PCED1B: variants seen among roughly 807,000 people sequenced by gnomAD.
The protein encoded by PCED1B is PC-esterase domain-containing protein 1B.
For synonymous variants in PCED1B, 251 were observed against 246.1 expected (o/e 1.02, Z -0.19); for missense variants, 573 against 573.9 (o/e 1.00, Z 0.02).
At chr12:47,230,093 T>TG (rs1306540562) in intron 3 of PCED1B, among the ~76,000 whole-genome samples, 1 of 147,280 alleles carries the variant, frequency 6.8e-6, no homozygotes, top group Admixed American at 6.7e-5. Context: ...TTTCTTTTTT[T>TG]TTTTTTTTTT....
intron 2 of PCED1B, among the ~76,000 whole-genome samples, chr12:47,149,131 C>T (rs910774261): frequency 2.0e-5 from 3 of 152,296 alleles, no homozygotes; most frequent in Non-Finnish European, 4.4e-5. Context: ...GTGCTCTCAA[C>T]GAATGGAAAC....
intron 3 of PCED1B, among the ~76,000 whole-genome samples, chr12:47,222,104 TA>T (rs1211864579): frequency 1.2e-4 from 10 of 83,976 alleles, no homozygotes; most frequent in Non-Finnish European, 1.6e-4. Flanking sequence ...CTCTATCTCT[TA>T]AAAAAAAAAT....
At chr12:47,100,926 G>A (rs142128349) in intron 1 of PCED1B, among the ~76,000 whole-genome samples, 58 of 152,058 alleles carry the variant, frequency 3.8e-4, no homozygotes, top group East Asian at 1.9e-3. Context: ...AAAATTAGCC[G>A]GGCATGGTGA....
At chr12:47,220,561 G>A (rs1943447247) in intron 3 of PCED1B, among the ~76,000 whole-genome samples, 1 of 152,242 alleles carries the variant, frequency 6.6e-6, no homozygotes, top group African/African-American at 2.4e-5. Context: ...ACCGGGTTGT[G>A]AGAATGGAAT....
intron 2 of PCED1B, among the ~76,000 whole-genome samples, chr12:47,202,627 GA>G (rs905076532): frequency 5.7e-5 from 7 of 123,700 alleles, no homozygotes; most frequent in African/African-American, 2.1e-4. Context: ...AAAGAAAAAA[GA>G]AAAAAAATTG....
intron 2 of PCED1B, among the ~76,000 whole-genome samples, chr12:47,110,528 T>G (rs957420834): frequency 6.6e-6 from 1 of 152,240 alleles, no homozygotes; most frequent in Non-Finnish European, 1.5e-5. Flanking sequence ...ATCTTTTTAC[T>G]GCAAAAGTGA....
intron 1 of PCED1B, among the ~76,000 whole-genome samples, chr12:47,099,715 T>A (rs972608625): frequency 1.3e-5 from 2 of 152,196 alleles, no homozygotes; most frequent in Non-Finnish European, 2.9e-5. Flanking sequence ...GAAATTACTA[T>A]TAGCTTTTCC....
intron 1 of PCED1B, among the ~76,000 whole-genome samples, chr12:47,098,139 G>A (rs1015505713): frequency 1.3e-5 from 2 of 152,190 alleles, no homozygotes; most frequent in Non-Finnish European, 2.9e-5. Flanking sequence ...CTGCTGGAAA[G>A]GACAGGCTTA....
chr12:47,091,526 C>T (rs1368091819), intron 1 of PCED1B, among the ~76,000 whole-genome samples: 2 of 152,056 alleles, frequency 1.3e-5, no homozygotes, highest in Non-Finnish European at 2.9e-5. Context: ...TTTGGGGGAA[C>T]AGAAGTTTTT....
intron 2 of PCED1B, among the ~76,000 whole-genome samples, chr12:47,117,318 G>A (rs1939467157): frequency 1.3e-5 from 2 of 152,070 alleles, no homozygotes; most frequent in Non-Finnish European, 2.9e-5. Flanking sequence ...ATTTACATTA[G>A]GTGTATCTCC....
In PCED1B at chr12:47,236,071, T is replaced by C; in HGVS notation, c.1008T>C (p.Gly336=). 1 of 1,613,864 alleles carries C rather than the reference T, an allele frequency of 6.2e-7. No homozygotes were observed. The highest frequency in any genetic ancestry group is 1.1e-5 in the South Asian group (1 of 91,068). The part of the protein sequence containing the change: ...HHQGMPRFPQ[G]PPDACFSSDH... ...AGGGAATGCCCCGGTTCCCACAGGGTCCCCCAGATGCCTGTTTTTCCTCAG... is the reference window on the plus strand; with the variant it reads ...AGGGAATGCCCCGGTTCCCACAGGGCCCCCCAGATGCCTGTTTTTCCTCAG... The change falls in exon 4 of 4, where the codon GGT becomes GGC. Residue 336 remains glycine, a synonymous_variant. Coordinates refer to ENST00000546455, the MANE Select transcript of PCED1B (RefSeq NM_138371.3).
At chr12:47,196,172 G>A (rs1942597403) in intron 2 of PCED1B, among the ~76,000 whole-genome samples, 1 of 152,136 alleles carries the variant, frequency 6.6e-6, no homozygotes, top group South Asian at 2.1e-4. Flanking sequence ...TTAAAAATAT[G>A]TAACCATAAA....
chr12:47,160,287 CTTTTTCTTTTTTTTTT>C, intron 2 of PCED1B, among the ~76,000 whole-genome samples: 1 of 116,304 alleles, frequency 8.6e-6, no homozygotes, highest in South Asian at 2.8e-4. Flanking sequence ...TTTTCTTTTT[CTTTTTCTTTTTTTTTT>C]TTTTTTTTTT....
intron 2 of PCED1B, among the ~76,000 whole-genome samples, chr12:47,152,068 T>G (rs1303062061): frequency 6.6e-6 from 1 of 152,222 alleles, no homozygotes; most frequent in Non-Finnish European, 1.5e-5. Context: ...TGCAGATAGA[T>G]GATAGAAATA....
At chr12:47,122,837 A>G (rs1939735008) in intron 2 of PCED1B, among the ~76,000 whole-genome samples, 1 of 152,204 alleles carries the variant, frequency 6.6e-6, no homozygotes, top group Non-Finnish European at 1.5e-5. Context: ...AGATTTATTA[A>G]GCACTCTGCA....
chr12:47,216,060 A>G (rs868030097), intron 2 of PCED1B, 162 bp from the exon 3 acceptor site: 2 of 152,266 alleles, frequency 1.3e-5, no homozygotes, highest in Non-Finnish European at 2.9e-5. Context: ...TCTCAAAAAA[A>G]ATAAATAAAT....
In PCED1B at chr12:47,235,059, G is replaced by A. The variant is rs759254927; in HGVS notation, c.-5G>A. On this transcript the variant is annotated 5_prime_UTR_variant, in exon 4 of 4. Coordinates refer to ENST00000546455, the MANE Select transcript of PCED1B (RefSeq NM_138371.3). ...GAAGGAGCTAGGCTGTGCGCCCTGG[G>A]CGTCATGATCCTTCTGCGGGCCTCC... is the stretch of plus-strand genomic sequence containing the variant. 6.6e-7 allele frequency: 1 copy of A among 1,523,068 alleles called. No homozygotes were observed. The highest frequency in any genetic ancestry group is 2.2e-5 in the Admixed American group (1 of 45,014). The allele number at this position is 1,523,068 out of a possible 1,614,324, so 94.3% of individuals were successfully genotyped here.
intron 1 of PCED1B, among the ~76,000 whole-genome samples, chr12:47,096,047 G>T (rs1456606368): frequency 1.3e-5 from 2 of 151,906 alleles, no homozygotes; most frequent in African/African-American, 4.8e-5. Flanking sequence ...AGGTCTCCTT[G>T]TTTCTGAACC....
chr12:47,094,653 T>C (rs1374993442), intron 1 of PCED1B, among the ~76,000 whole-genome samples: 1 of 152,140 alleles, frequency 6.6e-6, no homozygotes, highest in Non-Finnish European at 1.5e-5. Flanking sequence ...CAAATTATCT[T>C]TGCCACTCCT....
Sources: allele counts gnomAD v4.1 joint callset (sites outside exome capture counted in the v4.1 genomes callset), GRCh38; gene constraint gnomAD v4.1.1; transcripts MANE v1.5; gene names NCBI Gene and HGNC (gene_info 2026-07-23, HGNC 2026-07-21).